Variants in ELFN1 observed in about 807,000 individuals in gnomAD.
The protein encoded by ELFN1 is protein ELFN1.
A neutral mutation model predicts 7.6 loss-of-function variants in ELFN1; 6 were observed. The observed-to-expected ratio is 0.79, with a 90% CI of 0.43 to 1.56. The LOEUF (loss-of-function observed/expected upper bound fraction) is 1.56. Among genes scored for constraint, ELFN1 ranks in the 40% most tolerant of loss-of-function variants. The pLI is 0.01. For synonymous variants in ELFN1, 657 were observed against 588.1 expected, an observed-to-expected ratio of 1.12 and a Z score of -1.70; for missense variants, 1,169 against 1,232.2, an observed-to-expected ratio of 0.95 and a Z score of 0.77.
chr7:1,684,935 C>T (rs1487248320), intron 1 of ELFN1, among the ~76,000 whole-genome samples: 1 of 152,122 alleles, frequency 6.6e-6, no homozygotes, highest in Non-Finnish European at 1.5e-5. Flanking sequence ...TATGTATTTA[C>T]CATTTCTGGT....
At chr7:1,676,143 C>T (rs1400983522) in intron 1 of ELFN1, among the ~76,000 whole-genome samples, 1 of 152,218 alleles carries the variant, frequency 6.6e-6, no homozygotes, top group African/African-American at 2.4e-5. Flanking sequence ...GTGCCTACCT[C>T]TGCCTAAAGG....
chr7:1,683,560 T>A (rs980756312), intron 1 of ELFN1, among the ~76,000 whole-genome samples: 1 of 152,230 alleles, frequency 6.6e-6, no homozygotes, highest in African/African-American at 2.4e-5. Context: ...TTAGGTCAAG[T>A]TGGCGGTAAT....
intron 1 of ELFN1, among the ~76,000 whole-genome samples, chr7:1,672,029 T>C (rs543136119): frequency 2.2e-4 from 33 of 152,282 alleles, no homozygotes; most frequent in African/African-American, 7.0e-4. Flanking sequence ...CCTCCCCCTG[T>C]CCTACAGCCA....
At chr7:1,716,167 T>A (rs912688369) in intron 3 of ELFN1, among the ~76,000 whole-genome samples, 3 of 152,208 alleles carry the variant, frequency 2.0e-5, no homozygotes, top group African/African-American at 7.2e-5. Context: ...CATCCCCTGC[T>A]CACCCCAAGG....
At chr7:1,666,364 C>T (rs1433729493), upstream of ELFN1, among the ~76,000 whole-genome samples, 2 of 151,936 alleles carry the variant, frequency 1.3e-5, no homozygotes, top group African/African-American at 2.4e-5. The surrounding 1 kb of genome is among the most constrained non-coding windows in gnomAD (Gnocchi z 7.9). Context: ...GCCCTGACCT[C>T]GGCGTCCGCG....
chr7:1,687,582 A>G (rs1184160997), intron 1 of ELFN1, among the ~76,000 whole-genome samples: 5 of 152,210 alleles, frequency 3.3e-5, no homozygotes, highest in Non-Finnish European at 5.9e-5. Context: ...TTCTAAGGAA[A>G]TAAAATAATG....
Position 1,745,855 on chromosome 7 carries a change from T to G in ELFN1, c.1259T>G (p.Met420Arg). The change falls in exon 4 of 4, where the codon ATG becomes AGG. Residue 420 changes from methionine to arginine, a missense_variant. Met to Arg is a moderately conservative substitution (Grantham distance 91). Coordinates refer to ENST00000424383, the MANE Select transcript of ELFN1 (RefSeq NM_001128636.4). The stretch of plus-strand genomic sequence containing the variant: ...CCCTCCACGGCCACCCACTACATCA[T>G]GACCATCCTGGGCTGCCTCTTCGGC... ...PSPSTATHYIMTILGCLFGMV... is the reference protein window; with the variant it reads ...PSPSTATHYIRTILGCLFGMV... 6.3e-7 allele frequency: 1 copy of G among 1,590,466 alleles called. No homozygotes were observed.
Position 1,673,235 on chromosome 7 carries a change from C to T in ELFN1, c.-549+2881C>T, listed in dbSNP as rs1218680510. On this transcript the variant is annotated intron_variant, in intron 1 of 3. Coordinates refer to ENST00000424383, the MANE Select transcript of ELFN1 (RefSeq NM_001128636.4). This position sits in a 1 kb window ranked among gnomAD's most constrained non-coding sequence, Gnocchi z 4.7. The stretch of plus-strand genomic sequence containing the variant: ...ACGATGGCGCCATCCATTCCAGCAC[C>T]AGCTGTACAGATGGGGAGACTGAGG... 2.6e-5 allele frequency among the ~76,000 whole-genome samples: 4 copies of T among 152,130 alleles called. No homozygotes were observed. The highest frequency in any genetic ancestry group is 6.5e-5 in the Admixed American group (1 of 15,282).
intron 3 of ELFN1, among the ~76,000 whole-genome samples, chr7:1,741,319 G>A (rs1359045240): frequency 2.0e-5 from 3 of 152,176 alleles, no homozygotes; most frequent in South Asian, 2.1e-4. Context: ...ACTTGGCAGC[G>A]AGGCCAGGCT....
At chr7:1,744,185 G>A (rs1780708289) in intron 3 of ELFN1, 119 bp from the exon 4 acceptor site, 3 of 207,250 alleles carry the variant, frequency 1.4e-5, no homozygotes, top group South Asian at 1.5e-4. Flanking sequence ...GATTCAGGGG[G>A]CTCAGCGGAG....
chr7:1,693,394 G>T (rs531518238), intron 2 of ELFN1: 95 of 471,218 alleles, frequency 2.0e-4, no homozygotes, highest in African/African-American at 1.6e-3. Context: ...ACACACACTG[G>T]TGTGCCTGAG....
intron 2 of ELFN1, chr7:1,693,625 G>A (rs530140123): frequency 2.3e-5 from 11 of 471,226 alleles, no homozygotes; most frequent in African/African-American, 4.0e-5. Context: ...CACCTCCGGC[G>A]GTGCCCAGTC....
chr7:1,690,866 G>C (rs1490157451), intron 2 of ELFN1, among the ~76,000 whole-genome samples: 1 of 152,112 alleles, frequency 6.6e-6, no homozygotes, highest in African/African-American at 2.4e-5. Flanking sequence ...GTGGATGCTA[G>C]AAGGATATAT....
rs2128585796 is a variant in ELFN1 at position 1,705,044 on chromosome 7, C to T, written c.-455-4047C>T. On this transcript the variant is annotated intron_variant, in intron 2 of 3. Transcript: ENST00000424383. This position sits in a 1 kb window ranked among gnomAD's most constrained non-coding sequence, Gnocchi z 4.3. ...CAGAGGGCACAGCAAGTGCAGAGGGCAGAGGTGGAGACCTGCTGGGGTGGG... is the reference window on the plus strand; with the variant it reads ...CAGAGGGCACAGCAAGTGCAGAGGGTAGAGGTGGAGACCTGCTGGGGTGGG... 6.6e-6 allele frequency among the ~76,000 whole-genome samples: 1 copy of T among 152,222 alleles called. No homozygotes were observed. The highest frequency in any genetic ancestry group is 1.9e-4 in the East Asian group (1 of 5,156).
rs1033535275 is a variant in ELFN1 at position 1,709,752 on chromosome 7, A to G, written c.-294+500A>G. On this transcript the variant is annotated intron_variant, in intron 3 of 3. Coordinates refer to ENST00000424383, the MANE Select transcript of ELFN1 (RefSeq NM_001128636.4). ...CTGGAAAAATATATACAAATGTTGA[A>G]TTGAATGCCTAGGTGAATAGGCAGG... Among the ~76,000 whole-genome samples, 5 of 152,280 alleles carry G rather than the reference A, an allele frequency of 3.3e-5. No homozygotes were observed. In the East Asian group the frequency reaches 9.6e-4, roughly 29 times the overall value.
intron 3 of ELFN1, among the ~76,000 whole-genome samples, chr7:1,711,805 T>G (rs1779665517): frequency 6.6e-6 from 1 of 152,082 alleles, no homozygotes; most frequent in Non-Finnish European, 1.5e-5. Context: ...CCACAGACCC[T>G]CTCTCAATGA....
chr7:1,727,204 C>A (rs1022158895), intron 3 of ELFN1, among the ~76,000 whole-genome samples: 1 of 152,182 alleles, frequency 6.6e-6, no homozygotes, highest in African/African-American at 2.4e-5. Context: ...AATGAGCACA[C>A]GAGGGGGGTG....
chr7:1,687,902 TA>T (rs1476385118), intron 1 of ELFN1, among the ~76,000 whole-genome samples, 155 bp from the exon 2 acceptor site: 4 of 152,318 alleles, frequency 2.6e-5, no homozygotes, highest in African/African-American at 9.6e-5. Context: ...TTTATTTGTT[TA>T]TTTTTTTTAT....
intron 1 of ELFN1, among the ~76,000 whole-genome samples, chr7:1,684,639 T>C (rs946627597): frequency 2.6e-5 from 4 of 152,210 alleles, no homozygotes; most frequent in African/African-American, 4.8e-5. Flanking sequence ...ATTTTCTTAT[T>C]GGTTGCCTTA....
Sources: allele counts gnomAD v4.1 joint callset (sites outside exome capture counted in the v4.1 genomes callset), GRCh38; gene constraint gnomAD v4.1.1; non-coding constraint Gnocchi (gnomAD v3.1); transcripts MANE v1.5; gene names NCBI Gene and HGNC (gene_info 2026-07-23, HGNC 2026-07-21).